The following NALCN variants were observed in gnomAD, a reference collection of about 807,000 sequenced individuals.
The protein encoded by NALCN is sodium leak channel NALCN.
In NALCN, 111 loss-of-function variants were observed where a neutral mutation model predicts 225.3. The ratio of observed to expected loss-of-function variants is 0.49; its 90% CI spans 0.42 to 0.58. The LOEUF (loss-of-function observed/expected upper bound fraction) is 0.58. Ranked by LOEUF, NALCN falls within the 20% of genes least tolerant of loss-of-function variation. The probability of loss-of-function intolerance (pLI) is 0.00; values close to 1 mark genes in which losing one functional copy is unlikely to be tolerated. For synonymous variants in NALCN, 764 were observed against 769.0 expected (o/e 0.99, Z 0.11); for missense variants, 1,378 against 2,202.4 (o/e 0.63, Z 7.49).
At chr13:101,156,246 T>G (rs1413311266) in intron 15 of NALCN, among the ~76,000 whole-genome samples, 1 of 152,192 alleles carries the variant, frequency 6.6e-6, no homozygotes, top group African/African-American at 2.4e-5. Flanking sequence ...CCACAAAATG[T>G]CCTATCCTCA....
chr13:101,188,504 G>A (rs1490498273), intron 14 of NALCN, among the ~76,000 whole-genome samples: 1 of 151,672 alleles, frequency 6.6e-6, no homozygotes, highest in Non-Finnish European at 1.5e-5. Flanking sequence ...TCAGAATTTT[G>A]GGCATAAAAT....
intron 15 of NALCN, among the ~76,000 whole-genome samples, chr13:101,169,866 A>G (rs1234111038): frequency 6.6e-6 from 1 of 152,236 alleles, no homozygotes. Context: ...AATAGATAGC[A>G]TTTGCTCCTG....
At chr13:101,401,030 C>G (rs920735337) in intron 1 of NALCN, among the ~76,000 whole-genome samples, 3 of 152,164 alleles carry the variant, frequency 2.0e-5, no homozygotes, top group African/African-American at 7.2e-5. Flanking sequence ...GTCAATTAAA[C>G]CTCTTTCCTT....
intron 6 of NALCN, among the ~76,000 whole-genome samples, chr13:101,351,309 G>A (rs1218178363): frequency 3.9e-5 from 6 of 152,046 alleles, no homozygotes; most frequent in Non-Finnish European, 8.8e-5. Flanking sequence ...ATCAAAATGA[G>A]TACTAGAATC....
rs537916254 is a variant in NALCN at position 101,299,554 on chromosome 13, G to A, written c.800-7188C>T. Among the ~76,000 whole-genome samples the A allele has an allele frequency of 3.9e-5, 6 of 152,160 alleles. No individual in the cohort carries two copies. In the South Asian group the frequency reaches 6.2e-4, roughly 16 times the overall value. ...GAAAACAGACTAATTCTTAATCCAC[G>A]TTGGTAGACTCTGGTTCTGTCTGGA... On this transcript the variant is annotated intron_variant, in intron 7 of 43. Transcript: ENST00000251127.
chr13:101,314,621 A>G (rs912258985), intron 7 of NALCN, among the ~76,000 whole-genome samples: 1 of 152,152 alleles, frequency 6.6e-6, no homozygotes, highest in Non-Finnish European at 1.5e-5. Flanking sequence ...ACCCACATAA[A>G]CCCAGGAATC....
intron 27 of NALCN, among the ~76,000 whole-genome samples, chr13:101,098,694 G>A (rs967519696): frequency 1.3e-5 from 2 of 152,100 alleles, no homozygotes; most frequent in African/African-American, 2.4e-5. Flanking sequence ...CCCTTTCTTT[G>A]GATTTATCTC....
At chr13:101,378,440 ATAAAATGT>A (rs1263849524) in intron 4 of NALCN, 122 bp downstream of exon 4, 3 of 667,408 alleles carry the variant, frequency 4.5e-6, no homozygotes, top group South Asian at 2.7e-5. Context: ...TAAAAATAAA[ATAAAATGT>A]TGTAGGCAAT....
rs532470106 is a variant in NALCN, at chr13:101,343,467, C to T, written c.799+1799G>A. 1.6e-3 allele frequency among the ~76,000 whole-genome samples: 237 copies of T among 152,138 alleles called. 1 individual carries two copies. Among genetic ancestry groups the T allele is most frequent in the Admixed American group, 2.4e-3 (37 of 15,268 alleles). On this transcript the variant is annotated intron_variant, in intron 7 of 43. Transcript: ENST00000251127. ...AACTAAATTCTCTATTGTGGCTCTGCCTCCTCATACAAACATGCCTGGTTA... is the reference window on the plus strand; with the variant it reads ...AACTAAATTCTCTATTGTGGCTCTGTCTCCTCATACAAACATGCCTGGTTA...
In NALCN at chr13:101,057,923, G is replaced by C. The variant is rs768172972; in HGVS notation, c.5023+16C>G. The C allele has an allele frequency of 5.7e-6, 9 of 1,586,818 alleles. No individual in the cohort carries two copies. Among genetic ancestry groups the C allele is most frequent in the Non-Finnish European group, 6.9e-6 (8 of 1,155,340 alleles). On this transcript the variant is annotated intron_variant, in intron 43 of 43. Transcript: ENST00000251127. ...AAAATGCCTCGATCGCTGGAGAAAT[G>C]CCTGGATGGACCTACCTGAGGGCAG...
At chr13:101,173,655 G>A (rs2038840211) in intron 15 of NALCN, among the ~76,000 whole-genome samples, 1 of 152,058 alleles carries the variant, frequency 6.6e-6, no homozygotes, top group Non-Finnish European at 1.5e-5. Context: ...AAGTTTGAAC[G>A]GAGCAAAGAT....
intron 15 of NALCN, among the ~76,000 whole-genome samples, chr13:101,173,902 T>G (rs2038851384): frequency 6.6e-6 from 1 of 152,166 alleles, no homozygotes. Context: ...GGTATCCACA[T>G]GACCACATGT....
intron 34 of NALCN, among the ~76,000 whole-genome samples, chr13:101,078,264 C>A (rs2033391333): frequency 6.6e-6 from 1 of 152,046 alleles, no homozygotes; most frequent in Non-Finnish European, 1.5e-5. Flanking sequence ...TGGAGCACTG[C>A]CTAGTGGAGC....
At chr13:101,177,415 A>G (rs1286308817) in intron 14 of NALCN, among the ~76,000 whole-genome samples, 1 of 141,706 alleles carries the variant, frequency 7.1e-6, no homozygotes, top group Non-Finnish European at 1.6e-5. Flanking sequence ...ACGAGTATAT[A>G]TATATATATA....
chr13:101,219,570 G>A lies in NALCN; in HGVS notation c.1626+9823C>T, dbSNP rs79653284. ...CAGAGACTATCAGGTGCTGGTTTGG[G>A]ATCCTGACATGATCATTCCTAACAC... On this transcript the variant is annotated intron_variant, in intron 13 of 43. Coordinates refer to ENST00000251127, the MANE Select transcript of NALCN (RefSeq NM_052867.4). Among the ~76,000 whole-genome samples the A allele has an allele frequency of 4.8e-3, 724 of 152,258 alleles. 8 individuals carry two copies. Among genetic ancestry groups the A allele is most frequent in the African/African-American group, 0.017 (705 of 41,546 alleles).
At chr13:101,130,010 G>C (rs561069734) in intron 17 of NALCN, among the ~76,000 whole-genome samples, 1 of 152,146 alleles carries the variant, frequency 6.6e-6, no homozygotes, top group African/African-American at 2.4e-5. Context: ...GAGAATGATG[G>C]TTTCCAGCTT....
chr13:101,111,461 C>G (rs779938613), intron 18 of NALCN, among the ~76,000 whole-genome samples: 4 of 152,182 alleles, frequency 2.6e-5, no homozygotes, highest in African/African-American at 9.7e-5. Context: ...GAAAGCTCCC[C>G]TCTTGCCCCT....
intron 15 of NALCN, among the ~76,000 whole-genome samples, chr13:101,146,411 A>G (rs1430423727): frequency 6.6e-6 from 1 of 152,188 alleles, no homozygotes; most frequent in Admixed American, 6.5e-5. Flanking sequence ...TGACAATGGT[A>G]AGGAATTAGC....
At chr13:101,413,574 T>C (rs1014877498) in intron 1 of NALCN, among the ~76,000 whole-genome samples, 19 of 152,094 alleles carry the variant, frequency 1.2e-4, no homozygotes, top group African/African-American at 4.1e-4. Flanking sequence ...AAAAACAGTA[T>C]AAAAGTTGTC....
Sources: gnomAD v4.1 joint callset for allele counts (sites outside exome capture counted in the v4.1 genomes callset) on GRCh38, gnomAD v4.1.1 for gene constraint, MANE v1.5 for transcripts, NCBI Gene and HGNC (gene_info 2026-07-23, HGNC 2026-07-21) for gene names.